Variants in DOCK10 observed in about 807,000 individuals in gnomAD.
DOCK10 encodes the protein dedicator of cytokinesis 10.
Under a neutral mutation model 280.1 loss-of-function variants are expected in DOCK10, and 145 were observed. The observed-to-expected ratio is 0.52, with a 90% CI of 0.45 to 0.59. The LOEUF (loss-of-function observed/expected upper bound fraction) is 0.59, where lower values mean the gene tolerates loss of function less well. DOCK10 is among the 20% of genes least tolerant of loss of function. The pLI is 0.00. For synonymous variants in DOCK10, 915 were observed against 942.2 expected (o/e 0.97, Z 0.53); for missense variants, 2,368 against 2,651.7 (o/e 0.89, Z 2.35).
chr2:224,877,636 G>C (rs1187921151), intron 7 of DOCK10, among the ~76,000 whole-genome samples: 1 of 152,202 alleles, frequency 6.6e-6, no homozygotes, highest in Non-Finnish European at 1.5e-5. Context: ...ACTTTAGATT[G>C]GGTGGTCAGA....
intron 1 of DOCK10, among the ~76,000 whole-genome samples, chr2:225,005,715 C>T (rs780250856): frequency 6.6e-6 from 1 of 152,214 alleles, no homozygotes; most frequent in Non-Finnish European, 1.5e-5. Flanking sequence ...CCCAAGCCCA[C>T]TCGGTCTTTG....
chr2:224,813,943 G>A (rs1254600889), intron 31 of DOCK10, among the ~76,000 whole-genome samples: 1 of 152,124 alleles, frequency 6.6e-6, no homozygotes, highest in South Asian at 2.1e-4. Context: ...AATATCCTCT[G>A]TCTTAACAAG....
At chr2:224,876,244 G>A in intron 7 of DOCK10, 23 bp from the exon 8 acceptor site, 1 of 1,553,318 alleles carries the variant, frequency 6.4e-7, no homozygotes. Flanking sequence ...AAGAAAGAAA[G>A]AAAAAGAGAA....
intron 1 of DOCK10, among the ~76,000 whole-genome samples, chr2:224,985,450 A>T (rs1200790103): frequency 6.6e-6 from 1 of 151,852 alleles, no homozygotes; most frequent in East Asian, 1.9e-4. Context: ...GTGTACAATA[A>T]AAAATGTTCT....
chr2:225,040,014 C>T (rs182262187), intron 1 of DOCK10, among the ~76,000 whole-genome samples: 73 of 152,248 alleles, frequency 4.8e-4, no homozygotes, highest in African/African-American at 1.7e-3. Flanking sequence ...AATATTTTCC[C>T]CAACATCCTA....
At position 224,864,928 on chromosome 2, in the gene DOCK10, T is replaced by C. The variant is rs902053187; in HGVS notation, c.1417A>G (p.Arg473Gly). 3 of 1,613,996 alleles carry C rather than the reference T, an allele frequency of 1.9e-6. No individual in the cohort carries two copies. The highest frequency in any genetic ancestry group is 1.3e-5 in the African/African-American group (1 of 75,040). The change falls in exon 12 of 56, where the codon AGA becomes GGA. Residue 473 changes from arginine to glycine, a missense_variant. Physicochemically the swap from Arg to Gly is moderately radical, Grantham distance 125. Transcript: ENST00000258390. ...TTGATGTGAGGTTCTTCTGATTGTCTTGGAGTGATGGTGTCGATGTTGCCA... is the reference window on the plus strand; with the variant it reads ...TTGATGTGAGGTTCTTCTGATTGTCCTGGAGTGATGGTGTCGATGTTGCCA... ...ENGNIDTITPRQSEEPHIKGL... is the reference protein window; with the variant it reads ...ENGNIDTITPGQSEEPHIKGL...
At chr2:224,876,415 CT>C (rs769793858) in intron 7 of DOCK10, among the ~76,000 whole-genome samples, 194 bp from the exon 8 acceptor site, 111 of 152,242 alleles carry the variant, frequency 7.3e-4, no homozygotes, top group Non-Finnish European at 1.5e-3. Context: ...GCTTTTTGTA[CT>C]AAGAAATATC....
rs895657787 is a variant in DOCK10 at position 224,970,047 on chromosome 2, G to A, written c.124-38379C>T. Among the ~76,000 whole-genome samples the A allele has an allele frequency of 3.3e-5, 5 of 152,050 alleles. No homozygotes were observed. The highest frequency in any genetic ancestry group is 9.7e-5 in the African/African-American group (4 of 41,380). On this transcript the variant is annotated intron_variant, in intron 1 of 55. Coordinates refer to ENST00000258390, the MANE Select transcript of DOCK10 (RefSeq NM_014689.3). The surrounding 1 kb of genome is among the most constrained non-coding windows in gnomAD (Gnocchi z 4.6). ...GGTTCACTGGCTTTTTCACTGAGTC[G>A]TCTTTTTGAGCAACTCTGTTCACCT...
intron 31 of DOCK10, among the ~76,000 whole-genome samples, chr2:224,811,628 G>C (rs1026595236): frequency 7.9e-5 from 12 of 152,136 alleles, no homozygotes; most frequent in Non-Finnish European, 1.8e-4. Context: ...GGTCTAACAT[G>C]TAAGTCTTTA....
At chr2:224,774,845 C>A in intron 52 of DOCK10, 60 bp downstream of exon 52, 2 of 1,472,658 alleles carry the variant, frequency 1.4e-6, no homozygotes, top group Non-Finnish European at 1.9e-6. Context: ...TGATCCAGCC[C>A]TATAAAGGGG....
chr2:224,776,632 GA>G (rs113737189), intron 51 of DOCK10, among the ~76,000 whole-genome samples: 4,256 of 134,502 alleles, frequency 0.032, 64 homozygotes, highest in Middle Eastern at 0.053. Flanking sequence ...AAAGAGGACA[GA>G]AAAAAAAAAA....
At chr2:224,985,683 G>A (rs561505001) in intron 1 of DOCK10, among the ~76,000 whole-genome samples, 3 of 150,746 alleles carry the variant, frequency 2.0e-5, no homozygotes, top group South Asian at 4.2e-4. Flanking sequence ...CACCAAAATC[G>A]TACTGAATCC....
intron 1 of DOCK10, among the ~76,000 whole-genome samples, chr2:224,952,884 G>A (rs1255225813): frequency 6.6e-6 from 1 of 152,136 alleles, no homozygotes; most frequent in East Asian, 1.9e-4. Context: ...GAGCCACCGC[G>A]CCCGGCCTAT....
chr2:224,845,323 A>G lies in DOCK10; in HGVS notation c.2361T>C (p.Val787=). Residue 787 remains valine (V), a splice_region_variant and synonymous_variant, in exon 21 of 56, where the codon GTT becomes GTC. Transcript: ENST00000258390. ...AKKKEALETS[V]GYAWLPLMKH... Reference sequence around the variant, plus strand: ...TCATCAGAGGAAGCCAAGCATATCCAACTGTGCAAAAGAATAACCAACAAA... The same window carrying G: ...TCATCAGAGGAAGCCAAGCATATCCGACTGTGCAAAAGAATAACCAACAAA... 3 of 1,589,528 alleles carry G rather than the reference A, an allele frequency of 1.9e-6. No homozygotes were observed. Among genetic ancestry groups the G allele is most frequent in the Non-Finnish European group, 2.6e-6 (3 of 1,166,750 alleles).
chr2:224,942,980 T>C (rs2126083946), intron 1 of DOCK10, among the ~76,000 whole-genome samples: 1 of 152,224 alleles, frequency 6.6e-6, no homozygotes, highest in African/African-American at 2.4e-5. Flanking sequence ...TCTTTCTAAA[T>C]TAGGACACAT....
chr2:224,989,885 C>T (rs1706081128), intron 1 of DOCK10, among the ~76,000 whole-genome samples: 2 of 152,116 alleles, frequency 1.3e-5, no homozygotes, highest in Admixed American at 6.6e-5. Flanking sequence ...TTTTTATCCC[C>T]CGACAACTGT....
At chr2:225,020,954 T>C (rs1689769196) in intron 1 of DOCK10, among the ~76,000 whole-genome samples, 1 of 152,212 alleles carries the variant, frequency 6.6e-6, no homozygotes, top group Non-Finnish European at 1.5e-5. Flanking sequence ...TGCAAAGATA[T>C]AACAAATCAG....
At chr2:224,809,671 G>T (rs10181351) in intron 31 of DOCK10, among the ~76,000 whole-genome samples, 1 of 151,880 alleles carries the variant, frequency 6.6e-6, no homozygotes, top group African/African-American at 2.4e-5. Flanking sequence ...TTACCTCATA[G>T]TTTTTAGGAT....
chr2:224,961,491 TTTCC>T (rs765721142), intron 1 of DOCK10, among the ~76,000 whole-genome samples: 2 of 148,080 alleles, frequency 1.4e-5, no homozygotes, highest in Non-Finnish European at 3.0e-5. Context: ...TTTCTCTTTC[TTTCC>T]TTCCTTCCTT....
Sources: gnomAD v4.1 joint callset for allele counts (sites outside exome capture counted in the v4.1 genomes callset) on GRCh38, gnomAD v4.1.1 for gene constraint, Gnocchi (gnomAD v3.1) non-coding constraint, MANE v1.5 for transcripts, NCBI Gene and HGNC (gene_info 2026-07-23, HGNC 2026-07-21) for gene names.